Variants in CACNA1F observed in about 807,000 individuals in gnomAD.
The protein encoded by CACNA1F is voltage-dependent L-type calcium channel subunit alpha-1F.
A neutral mutation model predicts 143.8 loss-of-function variants in CACNA1F; 59 were observed. That is an observed-to-expected ratio of 0.41 (90% CI 0.33 to 0.51). The LOEUF is 0.51. Ranked by LOEUF, CACNA1F falls within the 20% of genes least tolerant of loss-of-function variation. CACNA1F has a pLI of 0.22. For missense variants in CACNA1F, 1,411 were observed against 1,647.5 expected, an observed-to-expected ratio of 0.86 and a Z score of 2.48; for synonymous variants, 643 against 649.1, an observed-to-expected ratio of 0.99 and a Z score of 0.14.
At position 49,215,066 on chromosome X, in the gene CACNA1F, G is replaced by A. The variant is rs1468628090; in HGVS notation, c.3597+20C>T. On this transcript the variant is annotated intron_variant, in intron 29 of 47. Transcript: ENST00000323022. ...TAATAGGGTCAGGAGTCTGGCGGGG[G>A]TCAGGCAGGGATCTCAGACCTGCAT... 8.3e-7 allele frequency: 1 copy of A among 1,199,073 alleles called. No individual in the cohort carries two copies. Among genetic ancestry groups the A allele is most frequent in the South Asian group, 1.8e-5 (1 of 56,700 alleles).
rs372583596 is a variant in CACNA1F, at chrX:49,224,943, C to T, written c.1695G>A (p.Met565Ile). ...GGCCCAGACCGTACAATTTGAGAAG[C>T]ATCTCCACCGTGAACAGACAGAGCA... ...KVLLCLFTVE[M>I]LLKLYGLGPS... Residue 565 changes from methionine (M) to isoleucine (I), a missense_variant, in exon 14 of 48, where the codon ATG (methionine) becomes ATA (isoleucine). Met to Ile is a conservative substitution (Grantham distance 10, BLOSUM62 1). This residue lies in a region of CACNA1F where 950 missense variants were observed against 1,128.1 expected (regional missense o/e 0.84). Coordinates refer to ENST00000323022, the MANE Select transcript of CACNA1F (RefSeq NM_001256789.3). 20 of 1,204,472 alleles carry T rather than the reference C, an allele frequency of 1.7e-5. No individual in the cohort carries two copies. Among genetic ancestry groups the T allele is most frequent in the Non-Finnish European group, 2.2e-5 (20 of 891,097 alleles).
In CACNA1F at chrX:49,224,910, G is replaced by A. The variant is rs781964184; in HGVS notation, c.1728C>T (p.Ala576=). The part of the protein sequence containing the change: ...LLKLYGLGPS[A]YVSSFFNRFD... ...AGCGGTTGAAGAAGGAAGACACATA[G>A]GCAGAGGGGCCCAGACCGTACAATT... Residue 576 remains alanine (A), a synonymous_variant, in exon 14 of 48, where the codon GCC becomes GCT. Transcript: ENST00000323022. The A allele has an allele frequency of 8.3e-6, 10 of 1,208,633 alleles. No individual in the cohort carries two copies. In the South Asian group the frequency reaches 1.8e-4, roughly 21 times the overall value.
intron 20 of CACNA1F, 29 bp downstream of exon 20, chrX:49,219,605 C>G: frequency 8.4e-7 from 1 of 1,187,211 alleles, no homozygotes; most frequent in Non-Finnish European, 1.1e-6. Flanking sequence ...GCCCCTCCTG[C>G]CTCACCCCCT....
In CACNA1F at chrX:49,206,758, G is replaced by A. The variant is rs1331907159; in HGVS notation, c.5329C>T (p.Arg1777Cys). The change falls in exon 45 of 48, where the codon CGC becomes TGC. Residue 1777 changes from arginine (R) to cysteine (C), a missense_variant. Arg to Cys is a radical substitution (Grantham distance 180). Coordinates refer to ENST00000323022, the MANE Select transcript of CACNA1F (RefSeq NM_001256789.3). ...QRYMDGHLVP[R>C]RRLLPPTPAG... ...GGTGTGGGGGGCAGCAGACGGCGGCGTGGTACCAGGTGCCCATCCATGTAT... is the reference window on the plus strand; with the variant it reads ...GGTGTGGGGGGCAGCAGACGGCGGCATGGTACCAGGTGCCCATCCATGTAT... The A allele has an allele frequency of 5.8e-6, 7 of 1,205,679 alleles. No individual in the cohort carries two copies. In the African/African-American group the frequency reaches 7.0e-5, roughly 12 times the overall value.
rs1203038002 is a variant in CACNA1F at position 49,208,768 on chromosome X, A to G, written c.4954-84T>C. ...TATAACATGTCTCCCCCACAGGTCC[A>G]TGAATGTGGGCCTTGCCCTCCAACA... is the stretch of plus-strand genomic sequence containing the variant. On this transcript the variant is annotated intron_variant, in intron 42 of 47. Transcript: ENST00000323022. 6 of 817,213 alleles carry G rather than the reference A, an allele frequency of 7.3e-6. No individual in the cohort carries two copies. In the East Asian group the frequency reaches 1.9e-4, roughly 26 times the overall value. 67.3% of individuals were successfully genotyped at this position (817,213 alleles called of 1,213,427 possible). A position where few individuals can be genotyped will look rare whatever the true frequency, so the allele number is the denominator to read the frequency against.
At chrX:49,224,193 T>C (rs1330107460) in intron 14 of CACNA1F, among the ~76,000 whole-genome samples, 2 of 110,386 alleles carry the variant, frequency 1.8e-5, no homozygotes, top group Non-Finnish European at 3.8e-5. Flanking sequence ...GGGATGAGAC[T>C]GGGGCTGAGG....
At chrX:49,232,173 G>T (rs1424466017) in intron 1 of CACNA1F, among the ~76,000 whole-genome samples, 1 of 111,416 alleles carries the variant, frequency 9.0e-6, no homozygotes, top group Non-Finnish European at 1.9e-5. Context: ...TTAAGTTGGG[G>T]GTAGAGTTTA....
In CACNA1F at chrX:49,231,587, G is replaced by A. The variant is rs782658050; in HGVS notation, c.275+91C>T. On this transcript the variant is annotated intron_variant, in intron 2 of 47. Coordinates refer to ENST00000323022, the MANE Select transcript of CACNA1F (RefSeq NM_001256789.3). ...TTGACTCTTGACCTTGATGATCTCA[G>A]CCCTCCTCTGTTCCAGCCCTGACCC... 4 of 1,091,977 alleles carry A rather than the reference G, an allele frequency of 3.7e-6. No homozygotes were observed. The South Asian group carries it at 7.4e-5, about 20-fold the overall frequency. The allele number at this position is 1,091,977 out of a possible 1,213,427, so 90.0% of individuals were successfully genotyped here.
intron 27 of CACNA1F, 28 bp from the exon 28 acceptor site, chrX:49,215,571 T>C: frequency 1.7e-6 from 1 of 574,511 alleles, no homozygotes; most frequent in Non-Finnish European, 2.8e-6. Flanking sequence ...GGGGTAGAGG[T>C]GGGGGCAGGT....
In CACNA1F at chrX:49,205,113, G is replaced by C; in HGVS notation, c.*24C>G. On this transcript the variant is annotated 3_prime_UTR_variant, in exon 48 of 48. Coordinates refer to ENST00000323022, the MANE Select transcript of CACNA1F (RefSeq NM_001256789.3). ...GGGAGGGGAGGGCAGGAGGTTTATT[G>C]AGCAGTTGGGGAGGGGTGGGAATTC... is the stretch of plus-strand genomic sequence containing the variant. 9.1e-7 allele frequency: 1 copy of C among 1,101,459 alleles called. No individual in the cohort carries two copies. The highest frequency in any genetic ancestry group is 3.0e-5 in the East Asian group (1 of 33,257). 90.8% of individuals were successfully genotyped at this position (1,101,459 alleles called of 1,213,427 possible).
At chrX:49,220,635 G>T (rs1002167952) in intron 18 of CACNA1F, 111 bp from the exon 19 acceptor site, 2 of 649,933 alleles carry the variant, frequency 3.1e-6, no homozygotes, top group African/African-American at 2.2e-5. Context: ...AGAGGATGAA[G>T]GTTAAAGACA....
chrX:49,231,159 G>A (rs1557111276), intron 3 of CACNA1F, 43 bp downstream of exon 3: 1 of 932,234 alleles, frequency 1.1e-6, no homozygotes, highest in Admixed American at 2.6e-5. Flanking sequence ...CTCTACTGGG[G>A]CTCTATTTGG....
At chrX:49,216,607 G>A in intron 26 of CACNA1F, 79 bp from the exon 27 acceptor site, 2 of 922,716 alleles carry the variant, frequency 2.2e-6, no homozygotes, top group South Asian at 2.2e-5. Context: ...CAGCATGGAG[G>A]CAGCAGGACA....
intron 19 of CACNA1F, among the ~76,000 whole-genome samples, 181 bp from the exon 20 acceptor site, chrX:49,219,971 A>G (rs1267384320): frequency 8.9e-6 from 1 of 112,201 alleles, no homozygotes; most frequent in Non-Finnish European, 1.9e-5. Flanking sequence ...AGTGCCTGGG[A>G]CACAGTAGGA....
At chrX:49,227,176 T>C in intron 8 of CACNA1F, 49 bp from the exon 9 acceptor site, 1 of 1,028,916 alleles carries the variant, frequency 9.7e-7, no homozygotes, top group Non-Finnish European at 1.3e-6. Flanking sequence ...TCTGAACACC[T>C]TGCTTTCATC....
In CACNA1F at chrX:49,219,633, C is replaced by T. The variant is rs886044841; in HGVS notation, c.2543+1G>A. Reference sequence around the variant, plus strand: ...CACCCCCTGCCACTTCCGGCACTCACGGGTTGGTTTGGCTGAGGCAGAAGA... The same window carrying T: ...CACCCCCTGCCACTTCCGGCACTCATGGGTTGGTTTGGCTGAGGCAGAAGA... On this transcript the variant is annotated splice_donor_variant, in intron 20 of 47. Coordinates refer to ENST00000323022, the MANE Select transcript of CACNA1F (RefSeq NM_001256789.3). LOFTEE classifies it high-confidence loss of function. 2.5e-6 allele frequency: 3 copies of T among 1,202,122 alleles called. No individual in the cohort carries two copies. Among genetic ancestry groups the T allele is most frequent in the Non-Finnish European group, 3.4e-6 (3 of 890,534 alleles).
At chrX:49,228,761 G>T (rs2065850213) in intron 6 of CACNA1F, among the ~76,000 whole-genome samples, 1 of 112,088 alleles carries the variant, frequency 8.9e-6, no homozygotes, top group African/African-American at 3.2e-5. Flanking sequence ...AGAGACGGGG[G>T]TTTCACCATA....
rs1307209339 is a variant in CACNA1F at position 49,213,800 on chromosome X, T to C, written c.3792+19A>G. On this transcript the variant is annotated intron_variant, in intron 31 of 47. Coordinates refer to ENST00000323022, the MANE Select transcript of CACNA1F (RefSeq NM_001256789.3). ...GGTGTATAGGGCGAGAGTGGATTAG[T>C]GGAAAGGCCAGTTCTCACATTGACT... is the stretch of plus-strand genomic sequence containing the variant. 1.2e-5 allele frequency: 13 copies of C among 1,116,835 alleles called. No homozygotes were observed. The highest frequency in any genetic ancestry group is 1.6e-5 in the Non-Finnish European group (13 of 810,335). The allele number at this position is 1,116,835 out of a possible 1,213,427, so 92.0% of individuals were successfully genotyped here.
chrX:49,218,568 T>C (rs1437636865), intron 23 of CACNA1F, 26 bp from the exon 24 acceptor site: 11 of 1,184,700 alleles, frequency 9.3e-6, no homozygotes, highest in Admixed American at 4.7e-5. Flanking sequence ...TCCTCAGGCA[T>C]TGGCCCTGGC....
Sources: gnomAD v4.1 joint callset for allele counts (sites outside exome capture counted in the v4.1 genomes callset) on GRCh38, gnomAD v4.1.1 for gene constraint, gnomAD v4.1.1 regional missense constraint, MANE v1.5 for transcripts, NCBI Gene and HGNC (gene_info 2026-07-23, HGNC 2026-07-21) for gene names.